The following TMIGD3 variants were observed in gnomAD, a reference collection of about 807,000 sequenced individuals.
TMIGD3 encodes AD026 protein (AD026).
TMIGD3 carries 21 observed loss-of-function variants against 28.1 expected under a neutral mutation model. The ratio of observed to expected loss-of-function variants is 0.75; its 90% confidence interval spans 0.53 to 1.08. The LOEUF (loss-of-function observed/expected upper bound fraction) is 1.08, where lower values mean the gene tolerates loss of function less well. Among genes scored for constraint, TMIGD3 ranks in the 50% least tolerant of loss-of-function variants. The pLI is 0.00. For missense variants in TMIGD3, 416 were observed against 435.6 expected (o/e 0.96, Z 0.40); for synonymous variants, 151 against 162.1 (o/e 0.93, Z 0.52).
chr1:111,529,658 CAT>C (rs1283724482), intron 1 of TMIGD3, among the ~76,000 whole-genome samples: 3 of 151,084 alleles, frequency 2.0e-5, no homozygotes, highest in Non-Finnish European at 4.4e-5. Flanking sequence ...GGATACAGCA[CAT>C]GTTTCAGAGA....
intron 1 of TMIGD3, among the ~76,000 whole-genome samples, chr1:111,491,892 A>C (rs1013454122): frequency 6.6e-6 from 1 of 152,358 alleles, no homozygotes; most frequent in South Asian, 2.1e-4. Flanking sequence ...TGGCATTGCC[A>C]TAGCCAACCT....
At position 111,552,523 on chromosome 1, in the gene TMIGD3, A is replaced by C. The variant is rs113396613; in HGVS notation, c.107+11323T>G. 1.4e-3 allele frequency among the ~76,000 whole-genome samples: 211 copies of C among 152,252 alleles called. 2 individuals carry two copies. Among genetic ancestry groups the C allele is most frequent in the Middle Eastern group, 0.014 (4 of 294 alleles). ...TTGGAGTTCATTTTCAGAGTACCTT[A>C]CTCTACCATCTTCACAGAGACCATA... On this transcript the variant is annotated intron_variant, in intron 1 of 5. Transcript: ENST00000369717.
chr1:111,507,881 C>G (rs1655563928), upstream of TMIGD3, among the ~76,000 whole-genome samples: 1 of 152,252 alleles, frequency 6.6e-6, no homozygotes, highest in Non-Finnish European at 1.5e-5. Flanking sequence ...TAGGCCCCTC[C>G]CCCACCACTC....
rs765661332 is a variant in TMIGD3 at position 111,488,767 on chromosome 1, G to A, written c.715C>T (p.Arg239Trp). The A allele has an allele frequency of 4.3e-6, 7 of 1,614,004 alleles. No individual in the cohort carries two copies. Among genetic ancestry groups the A allele is most frequent in the East Asian group, 2.2e-5 (1 of 44,900 alleles). The change falls in exon 3 of 6, where the codon CGG (arginine) becomes TGG (tryptophan). Residue 239 changes from arginine to tryptophan, a missense_variant. Physicochemically the swap from Arg to Trp is moderately radical, Grantham distance 101 (BLOSUM62 -3). Coordinates refer to ENST00000369716, the MANE Select transcript of TMIGD3 (RefSeq NM_020683.7). ...DTGWYWCGIQ[R>W]DFARDDMDFT... ...TCCATGTCATCCCTGGCAAAGTCCC[G>A]CTGGATGCCACACCAGTACCAGCCC...
At chr1:111,541,424 G>A (rs1656817948) in intron 1 of TMIGD3, among the ~76,000 whole-genome samples, 1 of 152,188 alleles carries the variant, frequency 6.6e-6, no homozygotes, top group African/African-American at 2.4e-5. Flanking sequence ...GACTGATACA[G>A]TGATGACTGA....
rs117032786 is a variant in TMIGD3, at chr1:111,561,401, C to T, written c.107+2445G>A. ...AGCCTCTCAGTGCTGGGATTACAGG[C>T]GTGAGCCACCGTGCCCAGCTCCAAT... On this transcript the variant is annotated intron_variant, in intron 1 of 5. Coordinates refer to the TMIGD3 transcript ENST00000369717. Among the ~76,000 whole-genome samples the T allele has an allele frequency of 7.6e-4, 116 of 152,304 alleles. 3 individuals are homozygous for T. The East Asian group carries it at 0.02, about 26-fold the overall frequency.
At chr1:111,495,536 A>G (rs997658848) in intron 1 of TMIGD3, among the ~76,000 whole-genome samples, 7 of 152,244 alleles carry the variant, frequency 4.6e-5, no homozygotes, top group Non-Finnish European at 1.0e-4. Flanking sequence ...TAGTTCAACT[A>G]GTATACTAAT....
chr1:111,547,697 G>A (rs573992725), intron 1 of TMIGD3, among the ~76,000 whole-genome samples: 7 of 152,260 alleles, frequency 4.6e-5, no homozygotes, highest in African/African-American at 1.7e-4. Flanking sequence ...GAAGTCAGAA[G>A]GAGCCAAATC....
chr1:111,516,856 G>A (rs1461000907), intron 1 of TMIGD3, among the ~76,000 whole-genome samples: 1 of 152,210 alleles, frequency 6.6e-6, no homozygotes, highest in East Asian at 1.9e-4. Flanking sequence ...AGCCCTGAGT[G>A]TTGATGGGTA....
upstream of TMIGD3, chr1:111,505,124 CA>C (rs754473063): frequency 0.061 from 6,227 of 102,796 alleles, 68 homozygotes; most frequent in African/African-American, 0.12. Context: ...AGCACTCTGC[CA>C]AAAAAAAAAA....
chr1:111,563,931 G>T (rs768379061), exon 1 of TMIGD3: 1 of 1,613,596 alleles, frequency 6.2e-7, no homozygotes, highest in Non-Finnish European at 8.5e-7. Context: ...TGCTCAATGG[G>T]TCCTGCTGGA....
At chr1:111,490,016 T>G (rs1361911677) in intron 2 of TMIGD3, among the ~76,000 whole-genome samples, 1 of 152,180 alleles carries the variant, frequency 6.6e-6, no homozygotes, top group Non-Finnish European at 1.5e-5. Context: ...TTATAACATT[T>G]TGTTTTCGTA....
At chr1:111,508,598 C>T (rs1189451591), upstream of TMIGD3, among the ~76,000 whole-genome samples, 1 of 152,234 alleles carries the variant, frequency 6.6e-6, no homozygotes, top group African/African-American at 2.4e-5. Flanking sequence ...TAGAATATTC[C>T]TGGGCAGTAC....
chr1:111,506,709 A>G (rs1467108681), upstream of TMIGD3, among the ~76,000 whole-genome samples: 1 of 152,020 alleles, frequency 6.6e-6, no homozygotes, highest in African/African-American at 2.4e-5. Flanking sequence ...AGCCACCAAG[A>G]CTATGGGCAC....
chr1:111,520,077 A>G (rs1213889003), intron 1 of TMIGD3, among the ~76,000 whole-genome samples: 7 of 152,226 alleles, frequency 4.6e-5, no homozygotes. Context: ...AAACAGGACG[A>G]ACAGGAACCT....
At chr1:111,518,344 C>T (rs1655934777) in intron 1 of TMIGD3, among the ~76,000 whole-genome samples, 1 of 152,226 alleles carries the variant, frequency 6.6e-6, no homozygotes, top group Non-Finnish European at 1.5e-5. Flanking sequence ...CAGGGTTTCT[C>T]AACCTCAACC....
At chr1:111,562,324 G>C (rs1000613911) in intron 1 of TMIGD3, among the ~76,000 whole-genome samples, 1 of 152,064 alleles carries the variant, frequency 6.6e-6, no homozygotes, top group Non-Finnish European at 1.5e-5. Flanking sequence ...ACCATAATAG[G>C]AGGTCAAGAA....
chr1:111,524,041 T>TGGGGGGGA (rs1656173672), intron 1 of TMIGD3, among the ~76,000 whole-genome samples: 1 of 133,034 alleles, frequency 7.5e-6, no homozygotes, highest in African/African-American at 2.9e-5. Flanking sequence ...TTTTTTTTTT[T>TGGGGGGGA]TTTTTTGGGA....
At chr1:111,493,768 C>A (rs1654768109) in intron 1 of TMIGD3, among the ~76,000 whole-genome samples, 1 of 152,178 alleles carries the variant, frequency 6.6e-6, no homozygotes, top group Admixed American at 6.5e-5. Context: ...GCTAGTAGAG[C>A]CACTATGATT....
Sources: allele counts gnomAD v4.1 joint callset (sites outside exome capture counted in the v4.1 genomes callset), GRCh38; gene constraint gnomAD v4.1.1; transcripts MANE v1.5; gene names NCBI Gene and HGNC (gene_info 2026-07-23, HGNC 2026-07-21).